AOPEP: variants seen among roughly 807,000 people sequenced by gnomAD.
The protein encoded by AOPEP is aminopeptidase O.
In AOPEP, 77 loss-of-function variants were observed where a neutral mutation model predicts 98.1. That is an observed-to-expected ratio of 0.78 (90% confidence interval 0.65 to 0.95). AOPEP has a LOEUF of 0.95. Among genes scored for constraint, AOPEP ranks in the 40% least tolerant of loss-of-function variants. The probability of loss-of-function intolerance (pLI) is 0.00; values close to 1 mark genes in which losing one functional copy is unlikely to be tolerated. For synonymous variants in AOPEP, 346 were observed against 365.3 expected (o/e 0.95, Z 0.60); for missense variants, 1,024 against 1,024.7 (o/e 1.00, Z 0.01).
At chr9:95,135,279 G>C in the AOPEP span, 2 of 1,487,130 alleles carry the variant, frequency 1.3e-6, no homozygotes, top group Non-Finnish European at 1.9e-6. Context: ...TTCATTCTCT[G>C]ACTAAAAGAA....
rs539279678 is a variant in AOPEP at position 94,785,641 on chromosome 9, T to C, written c.965-7124T>C. Reference sequence around the variant, plus strand: ...TCCTACCAACCCTCTCTGTTAGTCTTGCTAATGAATCCCGACCTGGCTGTG... The same window carrying C: ...TCCTACCAACCCTCTCTGTTAGTCTCGCTAATGAATCCCGACCTGGCTGTG... On this transcript the variant is annotated intron_variant, in intron 3 of 16. Coordinates refer to ENST00000375315, the MANE Select transcript of AOPEP (RefSeq NM_001193329.3). 2.6e-5 allele frequency among the ~76,000 whole-genome samples: 4 copies of C among 152,316 alleles called. No individual in the cohort carries two copies. The South Asian group carries it at 8.3e-4, about 32-fold the overall frequency.
At chr9:94,762,290 A>G (rs1047437391) in intron 2 of AOPEP, among the ~76,000 whole-genome samples, 1 of 152,104 alleles carries the variant, frequency 6.6e-6, no homozygotes, top group Non-Finnish European at 1.5e-5. Context: ...TACTAAAAAT[A>G]CAAAAAATTA....
Position 95,005,572 on chromosome 9 carries a change from C to A in AOPEP, c.2071C>A (p.Pro691Thr), listed in dbSNP as rs2061947414. 1.1e-5 allele frequency: 17 copies of A among 1,613,914 alleles called. No homozygotes were observed. The highest frequency in any genetic ancestry group is 1.4e-5 in the Non-Finnish European group (17 of 1,179,908). The change falls in exon 13 of 17, where the codon CCC becomes ACC. Residue 691 changes from proline to threonine, a missense_variant. This residue lies in a region of AOPEP where 566 missense variants were observed against 551.7 expected (regional missense o/e 1.03). Transcript: ENST00000375315. ...GAAATGGATTGGAGTGAACCGGAGA[C>A]CCCGAAAACGGAAGCGCAGGGAGAA... Reference protein sequence around the residue: ...VTKWIGVNRRPRKRKRREKEE... With the variant: ...VTKWIGVNRRTRKRKRREKEE...
chr9:94,829,537 AC>A, intron 5 of AOPEP, among the ~76,000 whole-genome samples: 1 of 152,180 alleles, frequency 6.6e-6, no homozygotes, highest in East Asian at 1.9e-4. Flanking sequence ...ACTTCACAAA[AC>A]AAACAGGCCA....
chr9:94,991,300 G>A (rs182655230), intron 11 of AOPEP, among the ~76,000 whole-genome samples: 1 of 152,312 alleles, frequency 6.6e-6, no homozygotes, highest in East Asian at 1.9e-4. Context: ...TACCTGCATG[G>A]TATTTCTCCT....
chr9:94,996,179 G>A (rs2061216624), intron 11 of AOPEP, among the ~76,000 whole-genome samples: 1 of 152,150 alleles, frequency 6.6e-6, no homozygotes, highest in Admixed American at 6.5e-5. Context: ...AAAAAGTGAA[G>A]AGATTAGCAG....
At chr9:95,038,375 A>G (rs758990241) in intron 13 of AOPEP, among the ~76,000 whole-genome samples, 4 of 152,186 alleles carry the variant, frequency 2.6e-5, no homozygotes, top group Admixed American at 6.5e-5. Flanking sequence ...TTTCTAGGCA[A>G]CTTGCACACA....
At chr9:95,043,432 C>CG (rs2065541843) in intron 13 of AOPEP, among the ~76,000 whole-genome samples, 1 of 152,068 alleles carries the variant, frequency 6.6e-6, no homozygotes, top group East Asian at 1.9e-4. Flanking sequence ...TGACATAAAA[C>CG]TAATTTATGG....
At chr9:94,839,970 G>A (rs916582141) in intron 5 of AOPEP, among the ~76,000 whole-genome samples, 1 of 152,098 alleles carries the variant, frequency 6.6e-6, no homozygotes, top group Admixed American at 6.5e-5. Flanking sequence ...GCCTTGCTAT[G>A]TTGTCCAAGC....
At chr9:94,850,278 A>G (rs2043390479) in intron 5 of AOPEP, among the ~76,000 whole-genome samples, 1 of 152,200 alleles carries the variant, frequency 6.6e-6, no homozygotes, top group Non-Finnish European at 1.5e-5. Context: ...TTAATATGCA[A>G]AAAAATGAAC....
chr9:95,126,525 T>G, the AOPEP span: 1 of 1,613,666 alleles, frequency 6.2e-7, no homozygotes, highest in Non-Finnish European at 8.5e-7. Flanking sequence ...AGTGTAACGT[T>G]TACCTGAACA....
intron 11 of AOPEP, among the ~76,000 whole-genome samples, chr9:94,986,881 T>G (rs780086541): frequency 2.0e-5 from 3 of 152,252 alleles, no homozygotes; most frequent in African/African-American, 4.8e-5. Context: ...CACAGTAGTC[T>G]AAGACTAGAC....
chr9:94,745,033 G>T (rs538771642), intron 1 of AOPEP, among the ~76,000 whole-genome samples: 27 of 152,100 alleles, frequency 1.8e-4, no homozygotes, highest in African/African-American at 4.1e-4. Context: ...CAGGGAAATG[G>T]GGTATCCATC....
At chr9:94,767,783 G>A (rs1333901296) in intron 2 of AOPEP, among the ~76,000 whole-genome samples, 15 of 152,144 alleles carry the variant, frequency 9.9e-5, no homozygotes, top group Non-Finnish European at 1.8e-4. Context: ...TTGACTTTAC[G>A]TAAAATCTAT....
chr9:94,741,191 G>A lies in AOPEP; in HGVS notation c.-136+14440G>A, dbSNP rs77829071. On this transcript the variant is annotated intron_variant, in intron 1 of 16. Coordinates refer to ENST00000375315, the MANE Select transcript of AOPEP (RefSeq NM_001193329.3). ...GTTGGTGAGAGTTGTGAATGGTAAG[G>A]ATTTTGCATTTTTTCTTTAAACCAT... 4.8e-3 allele frequency among the ~76,000 whole-genome samples: 724 copies of A among 152,148 alleles called. 1 individual carries two copies. The highest frequency in any genetic ancestry group is 0.017 in the African/African-American group (700 of 41,526).
the AOPEP span, among the ~76,000 whole-genome samples, chr9:95,121,910 T>A: frequency 6.7e-6 from 1 of 150,090 alleles, no homozygotes; most frequent in African/African-American, 2.5e-5. Context: ...CAGGCTGGAG[T>A]GCAGTGGCGC....
intron 5 of AOPEP, among the ~76,000 whole-genome samples, chr9:94,879,364 G>C (rs753914476): frequency 5.3e-5 from 8 of 152,240 alleles, no homozygotes; most frequent in Non-Finnish European, 1.0e-4. Context: ...TTAGAAACAA[G>C]ATGGAGTTGG....
chr9:94,935,267 TC>T lies in AOPEP; in HGVS notation c.1661+6738del, dbSNP rs1021863810. ...TTGCCTTCTGCCATAATTGTAAGTT[TC>T]CTGAGGCCTCCGAGCAGGTGACAGC... is the stretch of plus-strand genomic sequence containing the variant. On this transcript the variant is annotated intron_variant, in intron 7 of 16. Transcript: ENST00000375315. 2.0e-4 allele frequency: 31 copies of T among 152,256 alleles called. 1 individual carries two copies. The highest frequency in any genetic ancestry group is 7.0e-4 in the African/African-American group (29 of 41,436). The allele number at this position is 152,256 out of a possible 1,614,324, so 9.4% of individuals were successfully genotyped here. A position where few individuals can be genotyped will look rare whatever the true frequency, so the allele number is the denominator to read the frequency against.
chr9:94,756,235 A>G (rs7028317), intron 1 of AOPEP, among the ~76,000 whole-genome samples: 31,745 of 147,956 alleles, frequency 0.21, 4,822 homozygotes, highest in African/African-American at 0.43. Context: ...GTGACAGAGC[A>G]AGACTCTGTC....
Sources: gnomAD v4.1 joint callset for allele counts (sites outside exome capture counted in the v4.1 genomes callset) on GRCh38, gnomAD v4.1.1 for gene constraint, gnomAD v4.1.1 regional missense constraint, MANE v1.5 for transcripts, NCBI Gene and HGNC (gene_info 2026-07-23, HGNC 2026-07-21) for gene names.